The following LSAMP variants were observed in gnomAD, a reference collection of about 807,000 sequenced individuals.
LSAMP encodes limbic system associated membrane protein.
In LSAMP, 7 loss-of-function variants were observed where a neutral mutation model predicts 38.6. The observed-to-expected ratio is 0.18, with a 90% confidence interval of 0.10 to 0.34. The LOEUF (loss-of-function observed/expected upper bound fraction) is 0.34. Ranked by LOEUF, LSAMP falls within the 10% of genes least tolerant of loss-of-function variation. LSAMP has a pLI of 1.00. For missense variants in LSAMP, 313 were observed against 420.0 expected, an observed-to-expected ratio of 0.75 and a Z score of 2.23; for synonymous variants, 154 against 166.8, an observed-to-expected ratio of 0.92 and a Z score of 0.59.
intron 1 of LSAMP, among the ~76,000 whole-genome samples, chr3:116,339,282 A>T (rs2047961771): frequency 6.9e-6 from 1 of 144,604 alleles, no homozygotes; most frequent in African/African-American, 2.5e-5. Flanking sequence ...CCTTATATAG[A>T]TTTTTTTTTT....
At chr3:116,163,097 TAA>T (rs1386719790) in intron 1 of LSAMP, among the ~76,000 whole-genome samples, 3 of 152,008 alleles carry the variant, frequency 2.0e-5, no homozygotes, top group African/African-American at 7.2e-5. Context: ...TATTATACTT[TAA>T]GTTTTAGGGT....
intron 1 of LSAMP, among the ~76,000 whole-genome samples, chr3:116,442,025 C>G (rs1337913442): frequency 6.6e-6 from 1 of 152,152 alleles, no homozygotes; most frequent in African/African-American, 2.4e-5. Context: ...TCTTTCCCTC[C>G]AATTTTGTCA....
intron 3 of LSAMP, among the ~76,000 whole-genome samples, chr3:115,966,603 A>G (rs1372979238): frequency 6.6e-6 from 1 of 152,178 alleles, no homozygotes; most frequent in Non-Finnish European, 1.5e-5. Flanking sequence ...TGGTTCTAAG[A>G]CCAAATATTG....
intron 1 of LSAMP, among the ~76,000 whole-genome samples, chr3:116,427,936 G>T (rs1181854888): frequency 6.6e-6 from 1 of 152,098 alleles, no homozygotes; most frequent in African/African-American, 2.4e-5. Flanking sequence ...ACTTGTCAAT[G>T]GGCTCTACCT....
At chr3:115,880,885 A>C (rs547071619) in intron 3 of LSAMP, among the ~76,000 whole-genome samples, 1 of 152,038 alleles carries the variant, frequency 6.6e-6, no homozygotes, top group Non-Finnish European at 1.5e-5. Flanking sequence ...AAAATACAAA[A>C]AAATGAGCCA....
chr3:116,192,203 G>A (rs1052084924), intron 1 of LSAMP, among the ~76,000 whole-genome samples: 2 of 152,184 alleles, frequency 1.3e-5, no homozygotes, highest in Non-Finnish European at 1.5e-5. Flanking sequence ...AGCCAAACAA[G>A]GGCTTAGACA....
rs1354075927 is a variant in LSAMP at position 115,898,617 on chromosome 3, A to ATATCTATATATC, written c.515-46001_515-46000insGATATATAGATA. On this transcript the variant is annotated intron_variant, in intron 3 of 6. Transcript: ENST00000490035. ...AAGATGCATATATATATATATATAT[A>ATATCTATATATC]TATATATGCACCCAAAAGACATTTC... 8.0e-3 allele frequency among the ~76,000 whole-genome samples: 1,199 copies of ATATCTATATATC among 149,920 alleles called. 17 individuals carry two copies. Among genetic ancestry groups the ATATCTATATATC allele is most frequent in the African/African-American group, 0.027 (1,095 of 40,570 alleles).
chr3:116,195,231 G>A (rs943800671), intron 1 of LSAMP, among the ~76,000 whole-genome samples: 7 of 152,110 alleles, frequency 4.6e-5, no homozygotes, highest in African/African-American at 1.4e-4. Flanking sequence ...GTTACTCACT[G>A]CCCTCTAATT....
intron 2 of LSAMP, among the ~76,000 whole-genome samples, chr3:116,070,592 G>A (rs1251368420): frequency 6.6e-6 from 1 of 152,130 alleles, no homozygotes; most frequent in African/African-American, 2.4e-5. Context: ...ATTTAAATTA[G>A]AAATTTTATG....
At chr3:115,941,428 T>C (rs1937916349) in intron 3 of LSAMP, among the ~76,000 whole-genome samples, 2 of 152,180 alleles carry the variant, frequency 1.3e-5, no homozygotes, top group African/African-American at 4.8e-5. Context: ...TCTTGGTATG[T>C]ATCCAAAGGA....
intron 1 of LSAMP, among the ~76,000 whole-genome samples, chr3:116,285,277 C>T (rs1256363120): frequency 6.6e-6 from 1 of 152,118 alleles, no homozygotes; most frequent in East Asian, 1.9e-4. Context: ...ATCACAACTT[C>T]TGATTGGCCT....
At chr3:116,081,452 C>CAA (rs1339062976) in intron 2 of LSAMP, among the ~76,000 whole-genome samples, 3 of 127,572 alleles carry the variant, frequency 2.4e-5, no homozygotes, top group African/African-American at 8.6e-5. Context: ...GACTCTGTCT[C>CAA]AAAAAAAAAA....
At chr3:116,408,957 C>A (rs2048935604) in intron 1 of LSAMP, among the ~76,000 whole-genome samples, 1 of 151,982 alleles carries the variant, frequency 6.6e-6, no homozygotes, top group Non-Finnish European at 1.5e-5. Context: ...CGTTCTATTC[C>A]TTGCTGTTGC....
chr3:115,982,485 C>A (rs187298528), intron 3 of LSAMP, among the ~76,000 whole-genome samples: 19 of 152,282 alleles, frequency 1.2e-4, no homozygotes, highest in Admixed American at 1.1e-3. Context: ...GGGAAATCCT[C>A]AAATTGCCCA....
intron 3 of LSAMP, among the ~76,000 whole-genome samples, chr3:115,977,021 C>A (rs1046790088): frequency 6.6e-6 from 1 of 151,986 alleles, no homozygotes; most frequent in Non-Finnish European, 1.5e-5. Flanking sequence ...TGGGGAACAG[C>A]CTTGGGAGAG....
intron 1 of LSAMP, among the ~76,000 whole-genome samples, chr3:116,270,551 T>A (rs972399299): frequency 2.0e-5 from 3 of 152,114 alleles, no homozygotes; most frequent in Non-Finnish European, 4.4e-5. Context: ...GGACTAATAA[T>A]AAAATGAAAC....
intron 2 of LSAMP, among the ~76,000 whole-genome samples, chr3:116,038,763 A>G: frequency 6.6e-6 from 1 of 152,242 alleles, no homozygotes; most frequent in Non-Finnish European, 1.5e-5. Flanking sequence ...CACGAAGGGC[A>G]ACAGAATAGA....
chr3:115,932,845 A>G (rs538932301), intron 3 of LSAMP, among the ~76,000 whole-genome samples: 1 of 152,190 alleles, frequency 6.6e-6, no homozygotes, highest in Non-Finnish European at 1.5e-5. Flanking sequence ...AACTCAATAA[A>G]TAAGAGAGTA....
chr3:116,104,064 A>G (rs1398359348), intron 1 of LSAMP, among the ~76,000 whole-genome samples: 3 of 152,128 alleles, frequency 2.0e-5, no homozygotes, highest in Admixed American at 6.5e-5. Flanking sequence ...TCTCTAAGTG[A>G]GCCCACGTAG....
Sources: gnomAD v4.1 joint callset for allele counts (sites outside exome capture counted in the v4.1 genomes callset) on GRCh38, gnomAD v4.1.1 for gene constraint, MANE v1.5 for transcripts, NCBI Gene and HGNC (gene_info 2026-07-23, HGNC 2026-07-21) for gene names.